Variants in REC8 observed in about 807,000 individuals in gnomAD.
REC8 encodes REC8 meiotic recombination protein.
REC8 carries 42 observed loss-of-function variants against 78.3 expected under a neutral mutation model. The observed-to-expected ratio is 0.54, with a 90% confidence interval of 0.42 to 0.69. The LOEUF is 0.69. Ranked by LOEUF, REC8 falls within the 30% of genes least tolerant of loss-of-function variation. The pLI is 0.00. For synonymous variants in REC8, 268 were observed against 274.1 expected (o/e 0.98, Z 0.22); for missense variants, 581 against 715.8 (o/e 0.81, Z 2.15).
rs1272599522 is a variant in REC8, at chr14:24,175,405, T to G, written c.463-138T>G. On this transcript the variant is annotated intron_variant, in intron 5 of 18. Transcript: ENST00000611366. ...AAGAAGACCAGAGGGCGGGTGAGTT[T>G]ACTGCAAGCTGATGTCAATGCAACA... 4 of 678,642 alleles carry G rather than the reference T, an allele frequency of 5.9e-6. No individual in the cohort carries two copies. In the East Asian group the frequency reaches 1.1e-4, roughly 18 times the overall value. 42.0% of individuals were successfully genotyped at this position (678,642 alleles called of 1,614,324 possible). A position where few individuals can be genotyped will look rare whatever the true frequency, so the allele number is the denominator to read the frequency against.
Position 24,179,877 on chromosome 14 carries a change from T to C in REC8, c.1529T>C (p.Met510Thr). ...SLVSPLSPRR[M>T]AARVFYLLLV... ...GTGTCACCTCTCAGCCCCCGCAGGA[T>C]GGCTGCCCGGGTCTTCTACCTGCTC... Residue 510 changes from methionine (M) to threonine (T), a missense_variant, in exon 18 of 19, where the codon ATG becomes ACG. Met to Thr is a moderately conservative substitution (Grantham distance 81). Transcript: ENST00000611366. 6.2e-7 allele frequency: 1 copy of C among 1,613,948 alleles called. No homozygotes were observed. The highest frequency in any genetic ancestry group is 8.5e-7 in the Non-Finnish European group (1 of 1,179,930).
At position 24,179,640 on chromosome 14, in the gene REC8, G is replaced by A. The variant is rs765870672; in HGVS notation, c.1365G>A (p.Val455=). The change falls in exon 17 of 19, where the codon GTG becomes GTA. Residue 455 remains valine, a synonymous_variant. Coordinates refer to ENST00000611366, the MANE Select transcript of REC8 (RefSeq NM_001048205.2). Reference sequence around the variant, plus strand: ...CGCCAGAAGCTCCTGCATTGCCCGTGGTGCCTGAACTCCCTGAGGTGCCCA... The same window carrying A: ...CGCCAGAAGCTCCTGCATTGCCCGTAGTGCCTGAACTCCCTGAGGTGCCCA... ...VEAPEAPALP[V]VPELPEVPME... 6.2e-7 allele frequency: 1 copy of A among 1,614,186 alleles called. No homozygotes were observed. The highest frequency in any genetic ancestry group is 1.1e-5 in the South Asian group (1 of 91,084).
rs373011708 is a variant in REC8 at position 24,177,743 on chromosome 14, C to G, written c.849C>G (p.Ala283=). 1 of 1,608,826 alleles carries G rather than the reference C, an allele frequency of 6.2e-7. No individual in the cohort carries two copies. Among genetic ancestry groups the G allele is most frequent in the South Asian group, 1.1e-5 (1 of 90,560 alleles). Residue 283 remains alanine, a synonymous_variant, in exon 11 of 19, where the codon GCC becomes GCG. Transcript: ENST00000611366. ...VTPPEELRLP[A]PPSPERRPPV... ...CCCCGGAGGAGCTGCGTCTGCCAGC[C>G]CCACCCAGCCCAGAGGTGAGTAGCC... is the stretch of plus-strand genomic sequence containing the variant.
At chr14:24,177,853 G>A in intron 11 of REC8, 95 bp downstream of exon 11, 1 of 1,481,250 alleles carries the variant, frequency 6.8e-7, no homozygotes, top group Non-Finnish European at 9.0e-7. Flanking sequence ...TAGCTTACAG[G>A]GGTCCTTAAT....
At chr14:24,172,861 C>T (rs1014681635) in intron 2 of REC8, 38 bp from the exon 3 acceptor site, 1 of 1,613,622 alleles carries the variant, frequency 6.2e-7, no homozygotes, top group Non-Finnish European at 8.5e-7. Context: ...TGGGCCCACT[C>T]CTGGACGCAG....
chr14:24,176,380 T>C (rs1438282929), intron 6 of REC8, among the ~76,000 whole-genome samples: 2 of 150,176 alleles, frequency 1.3e-5, no homozygotes, highest in Non-Finnish European at 3.0e-5. Flanking sequence ...TTTCTTTTTT[T>C]CCCAGGCTGG....
chr14:24,179,036 C>G, intron 14 of REC8, 49 bp from the exon 15 acceptor site: 1 of 1,604,856 alleles, frequency 6.2e-7, no homozygotes, highest in South Asian at 1.1e-5. Flanking sequence ...CCTTCTGAGG[C>G]CCAAGTCCCA....
In REC8 at chr14:24,179,097, G is replaced by A. The variant is rs1462475654; in HGVS notation, c.1216G>A (p.Ala406Thr). 2 of 1,592,922 alleles carry A rather than the reference G, an allele frequency of 1.3e-6. No homozygotes were observed. Among genetic ancestry groups the A allele is most frequent in the African/African-American group, 2.7e-5 (2 of 74,192 alleles). ...VPSEIEVPRE[A>T]LEPSVPLMVS... ...CTCCCATCCCCAGGTCCCGAGGGAG[G>A]CCCTGGAGCCCAGTGTTCCCCTTAT... The change falls in exon 15 of 19, where the codon GCC (alanine) becomes ACC (threonine). Residue 406 changes from alanine (A) to threonine (T), a missense_variant. Physicochemically the swap from Ala to Thr is moderately conservative, Grantham distance 58. Transcript: ENST00000611366.
chr14:24,180,631 TC>T, downstream of REC8: 1 of 1,612,796 alleles, frequency 6.2e-7, no homozygotes, highest in East Asian at 2.2e-5. Context: ...CCCCAGGCTC[TC>T]TGAGCCCTGC....
chr14:24,172,426 C>G lies in REC8; in HGVS notation c.-127C>G. On this transcript the variant is annotated 5_prime_UTR_variant, in exon 1 of 19. Coordinates refer to ENST00000611366, the MANE Select transcript of REC8 (RefSeq NM_001048205.2). ...TAACTTGGCTTTCTAGGTGCACCCA[C>G]CTTGCCACCAGAGAAGTCCAAATCC... 1.0e-6 allele frequency: 1 copy of G among 979,942 alleles called. No individual in the cohort carries two copies. The highest frequency in any genetic ancestry group is 1.5e-6 in the Non-Finnish European group (1 of 668,974). The allele number at this position is 979,942 out of a possible 1,614,324, so 60.7% of individuals were successfully genotyped here. A position where few individuals can be genotyped will look rare whatever the true frequency, so the allele number is the denominator to read the frequency against.
At chr14:24,179,512 G>A in intron 16 of REC8, 49 bp downstream of exon 16, 3 of 1,613,826 alleles carry the variant, frequency 1.9e-6, no homozygotes, top group South Asian at 1.1e-5. Flanking sequence ...CCTTGGCCAG[G>A]TGGTGGAAAC....
chr14:24,178,232 G>A lies in REC8; in HGVS notation c.996+10G>A, dbSNP rs772207044. ...CCACTGCTGGGAATGTGTGAGTGCA[G>A]CCCAGGCTTTGCCGGGGAAGGGAGG... On this transcript the variant is annotated intron_variant, in intron 12 of 18. Transcript: ENST00000611366. 5 of 1,611,268 alleles carry A rather than the reference G, an allele frequency of 3.1e-6. No individual in the cohort carries two copies. Among genetic ancestry groups the A allele is most frequent in the Middle Eastern group, 1.7e-4 (1 of 6,052 alleles).
rs762389628 is a variant in REC8, at chr14:24,179,638, G to A, written c.1363G>A (p.Val455Met). Residue 455 changes from valine to methionine, a missense_variant, in exon 17 of 19, where the codon GTG becomes ATG. Coordinates refer to ENST00000611366, the MANE Select transcript of REC8 (RefSeq NM_001048205.2). ...GGCGCCAGAAGCTCCTGCATTGCCC[G>A]TGGTGCCTGAACTCCCTGAGGTGCC... The part of the protein sequence containing the change: ...VEAPEAPALP[V>M]VPELPEVPME... 1.4e-5 allele frequency: 22 copies of A among 1,614,076 alleles called. No individual in the cohort carries two copies. The highest frequency in any genetic ancestry group is 6.7e-5 in the Admixed American group (4 of 60,002).
Position 24,177,339 on chromosome 14 carries a change from TTC to T in REC8, c.707-7_707-6del, listed in dbSNP as rs2038944648. On this transcript the variant is annotated splice_polypyrimidine_tract_variant and intron_variant, in intron 8 of 18. Coordinates refer to ENST00000611366, the MANE Select transcript of REC8 (RefSeq NM_001048205.2). ...TCTTTTTCTGTCCTCTGAACTCTGA[TTC>T]TCTCTCCACAGTCCCGCGGCTCCCA... is the stretch of plus-strand genomic sequence containing the variant. 2 of 1,614,178 alleles carry T rather than the reference TTC, an allele frequency of 1.2e-6. No homozygotes were observed. The highest frequency in any genetic ancestry group is 2.7e-5 in the African/African-American group (2 of 75,052).
At position 24,179,474 on chromosome 14, in the gene REC8, A is replaced by G. The variant is rs1319390192; in HGVS notation, c.1319+11A>G. 6.2e-7 allele frequency: 1 copy of G among 1,613,948 alleles called. No individual in the cohort carries two copies. The highest frequency in any genetic ancestry group is 8.5e-7 in the Non-Finnish European group (1 of 1,179,866). ...ACCAGAAGAACGGTGGTAAGCGGCC[A>G]GGCTCCGTGGGAGCCAGGGCCCACA... On this transcript the variant is annotated intron_variant, in intron 16 of 18. Transcript: ENST00000611366.
chr14:24,178,307 CA>C, intron 12 of REC8, 85 bp downstream of exon 12: 2 of 1,243,800 alleles, frequency 1.6e-6, no homozygotes, highest in Non-Finnish European at 2.3e-6. Context: ...CCAAACTCCT[CA>C]GGTGGGTGGG....
At chr14:24,177,277 G>A (rs1274367624) in intron 8 of REC8, 55 bp downstream of exon 8, 19 of 1,612,908 alleles carry the variant, frequency 1.2e-5, no homozygotes, top group Non-Finnish European at 1.5e-5. Flanking sequence ...CAGACCCCTG[G>A]CGTGGGCATT....
chr14:24,179,768 A>G (rs2039081320), intron 17 of REC8, 32 bp from the exon 18 acceptor site: 1 of 1,614,082 alleles, frequency 6.2e-7, no homozygotes, highest in African/African-American at 1.3e-5. Flanking sequence ...ACCCGGGCTG[A>G]AGCCTCTGCT....
At chr14:24,176,134 T>C (rs920794875) in intron 6 of REC8, among the ~76,000 whole-genome samples, 1 of 151,822 alleles carries the variant, frequency 6.6e-6, no homozygotes, top group South Asian at 2.1e-4. Context: ...TGGTGCACTT[T>C]AGGCTCACTG....
Sources: gnomAD v4.1 joint callset for allele counts (sites outside exome capture counted in the v4.1 genomes callset) on GRCh38, gnomAD v4.1.1 for gene constraint, MANE v1.5 for transcripts, NCBI Gene and HGNC (gene_info 2026-07-23, HGNC 2026-07-21) for gene names.